PATJ: variants seen among roughly 807,000 people sequenced by gnomAD.
The protein encoded by PATJ is inaD-like protein.
In PATJ, 190 loss-of-function variants were observed where a neutral mutation model predicts 224.9. The observed-to-expected ratio is 0.84, with a 90% CI of 0.75 to 0.95. The LOEUF (loss-of-function observed/expected upper bound fraction) is 0.95. Among genes scored for constraint, PATJ ranks in the 40% least tolerant of loss-of-function variants. The pLI is 0.00. For synonymous variants in PATJ, 769 were observed against 820.3 expected (o/e 0.94, Z 1.07); for missense variants, 2,121 against 2,270.3 (o/e 0.93, Z 1.34).
chr1:61,742,894 C>T (rs1644834405), intron 1 of PATJ, among the ~76,000 whole-genome samples: 1 of 151,840 alleles, frequency 6.6e-6, no homozygotes, highest in South Asian at 2.1e-4. Context: ...CAGGGAGGGG[C>T]GCCGCCCCGC....
At chr1:62,077,078 G>A (rs1238964392) in intron 31 of PATJ, among the ~76,000 whole-genome samples, 1 of 152,150 alleles carries the variant, frequency 6.6e-6, no homozygotes, top group Admixed American at 6.5e-5. Flanking sequence ...TTTAGTTTAA[G>A]AGGGCTGCTT....
intron 29 of PATJ, among the ~76,000 whole-genome samples, chr1:62,027,203 A>G (rs957186635): frequency 2.6e-5 from 4 of 152,230 alleles, no homozygotes; most frequent in Middle Eastern, 3.2e-3. Flanking sequence ...GGTACCTCAC[A>G]TAAGTGGACT....
At chr1:62,055,585 C>T (rs1055477338) in intron 31 of PATJ, among the ~76,000 whole-genome samples, 6 of 152,224 alleles carry the variant, frequency 3.9e-5, no homozygotes, top group South Asian at 4.2e-4. Flanking sequence ...TACCAGAGTG[C>T]GCTGTAGTCA....
chr1:61,984,806 G>A (rs1326886125), intron 27 of PATJ, among the ~76,000 whole-genome samples: 2 of 151,954 alleles, frequency 1.3e-5, no homozygotes, highest in Non-Finnish European at 2.9e-5. Flanking sequence ...TCAGCTACTG[G>A]TATTTTTCTC....
intron 9 of PATJ, among the ~76,000 whole-genome samples, chr1:61,791,983 A>G (rs1217512213): frequency 6.6e-6 from 1 of 152,210 alleles, no homozygotes; most frequent in Non-Finnish European, 1.5e-5. Context: ...AACTTTCACT[A>G]TAAGATTTAT....
chr1:62,136,603 T>G (rs1036128924), intron 41 of PATJ, among the ~76,000 whole-genome samples: 2 of 150,480 alleles, frequency 1.3e-5, no homozygotes, highest in Non-Finnish European at 2.9e-5. Context: ...CACCCATAGT[T>G]TGAGGGTCCA....
At chr1:62,042,102 G>T (rs900480546) in intron 30 of PATJ, among the ~76,000 whole-genome samples, 1 of 152,120 alleles carries the variant, frequency 6.6e-6, no homozygotes, top group Non-Finnish European at 1.5e-5. Context: ...ACATTATCAC[G>T]TATCTTAATC....
intron 43 of PATJ, among the ~76,000 whole-genome samples, chr1:62,159,838 C>T (rs1669676120): frequency 6.6e-6 from 1 of 152,270 alleles, no homozygotes; most frequent in South Asian, 2.1e-4. Flanking sequence ...GCCACTGCAC[C>T]CAGCAGGTTT....
chr1:61,784,684 A>G (rs913835026), intron 7 of PATJ, among the ~76,000 whole-genome samples: 1 of 152,256 alleles, frequency 6.6e-6, no homozygotes, highest in Non-Finnish European at 1.5e-5. Flanking sequence ...TGATCAGTGC[A>G]TAATTCTGTT....
chr1:61,987,919 C>T (rs958613216), intron 27 of PATJ, among the ~76,000 whole-genome samples: 3 of 152,184 alleles, frequency 2.0e-5, no homozygotes, highest in African/African-American at 7.2e-5. Context: ...ATTACTGGGG[C>T]CAGACATGGT....
chr1:61,978,219 TCCTTCCTCCCTCCCTCCCTCCCTC>T (rs1432386842), intron 27 of PATJ, among the ~76,000 whole-genome samples: 2 of 130,956 alleles, frequency 1.5e-5, no homozygotes, highest in Admixed American at 1.5e-4. Context: ...CTTCCTTCCT[TCCTTCCTCCCTCCCTCCCTCCCTC>T]CCTCCTTCCT....
intron 27 of PATJ, among the ~76,000 whole-genome samples, chr1:61,935,437 T>C (rs1676697368): frequency 6.6e-6 from 1 of 152,220 alleles, no homozygotes; most frequent in African/African-American, 2.4e-5. Flanking sequence ...CCTGGTCATC[T>C]TATATCATAA....
At position 61,864,642 on chromosome 1, in the gene PATJ, T is replaced by A; in HGVS notation, c.2835+9T>A. Reference sequence around the variant, plus strand: ...ATTGCCCTGAAAATGTGGTAAGAGATTAGAATAGATATTCCACACCTCCCC... The same window carrying A: ...ATTGCCCTGAAAATGTGGTAAGAGAATAGAATAGATATTCCACACCTCCCC... On this transcript the variant is annotated intron_variant, in intron 20 of 43. Transcript: ENST00000642238. The A allele has an allele frequency of 6.3e-7, 1 of 1,575,416 alleles. No individual in the cohort carries two copies. The highest frequency in any genetic ancestry group is 8.6e-7 in the Non-Finnish European group (1 of 1,160,286).
intron 30 of PATJ, chr1:62,039,118 G>C (rs1173038704): frequency 5.9e-6 from 4 of 672,976 alleles, no homozygotes; most frequent in African/African-American, 1.8e-5. Flanking sequence ...TTGATGGCTC[G>C]TATCTGTTCT....
At chr1:62,152,717 T>A (rs906761233) in intron 42 of PATJ, among the ~76,000 whole-genome samples, 6 of 151,970 alleles carry the variant, frequency 3.9e-5, no homozygotes, top group Non-Finnish European at 8.8e-5. Context: ...ATGTTATCTG[T>A]TATGGACAAG....
intron 27 of PATJ, among the ~76,000 whole-genome samples, chr1:61,960,611 C>T (rs185949411): frequency 2.7e-5 from 4 of 149,964 alleles, no homozygotes; most frequent in Non-Finnish European, 4.4e-5. Flanking sequence ...TGCAGTGAGC[C>T]GAGATCATGC....
chr1:62,059,912 G>A (rs770707017), intron 31 of PATJ, among the ~76,000 whole-genome samples: 5 of 152,118 alleles, frequency 3.3e-5, no homozygotes, highest in Non-Finnish European at 7.4e-5. Flanking sequence ...ATGATTCTCA[G>A]ATGCATCATG....
intron 24 of PATJ, among the ~76,000 whole-genome samples, chr1:61,906,814 A>G (rs1459583766): frequency 1.6e-4 from 25 of 152,130 alleles, no homozygotes; most frequent in Non-Finnish European, 4.4e-5. Flanking sequence ...CAGCCACTCA[A>G]GCGGTTCTTT....
chr1:61,836,086 A>G (rs1035644941), intron 17 of PATJ, among the ~76,000 whole-genome samples: 4 of 152,314 alleles, frequency 2.6e-5, no homozygotes, highest in Non-Finnish European at 4.4e-5. Flanking sequence ...TAAAGGATGG[A>G]AAGAAAAACT....
Sources: gnomAD v4.1 joint callset for allele counts (sites outside exome capture counted in the v4.1 genomes callset) on GRCh38, gnomAD v4.1.1 for gene constraint, MANE v1.5 for transcripts, NCBI Gene and HGNC (gene_info 2026-07-23, HGNC 2026-07-21) for gene names.